ZNF143: variants seen among roughly 807,000 people sequenced by gnomAD.
ZNF143 encodes zinc finger protein 143.
A neutral mutation model predicts 74.1 loss-of-function variants in ZNF143; 49 were observed. The observed-to-expected ratio is 0.66, with a 90% confidence interval of 0.53 to 0.84. ZNF143 has a LOEUF of 0.84. Among genes scored for constraint, ZNF143 ranks in the 40% least tolerant of loss-of-function variants. ZNF143 has a pLI of 0.00. For missense variants in ZNF143, 637 were observed against 793.4 expected (o/e 0.80, Z 2.37); for synonymous variants, 304 against 282.8 (o/e 1.07, Z -0.75).
In ZNF143 at chr11:9,474,531, T is replaced by C. The variant is rs773078374; in HGVS notation, c.290-19T>C. On this transcript the variant is annotated intron_variant, in intron 4 of 15. Transcript: ENST00000396602. ...TGTGCTAGAAAACATGAGATCTAAA[T>C]GTAAGCATTGTTCTTGAGCAGGGGA... The C allele has an allele frequency of 2.5e-6, 4 of 1,613,706 alleles. No individual in the cohort carries two copies. The highest frequency in any genetic ancestry group is 1.1e-5 in the South Asian group (1 of 91,080).
At chr11:9,471,158 T>C (rs1856542611) in intron 1 of ZNF143, 144 bp from the exon 2 acceptor site, 2 of 629,462 alleles carry the variant, frequency 3.2e-6, no homozygotes, top group African/African-American at 3.7e-5. Context: ...GCTAATACTC[T>C]TACCCTACAT....
intron 7 of ZNF143, among the ~76,000 whole-genome samples, chr11:9,493,216 C>T (rs547933710): frequency 1.3e-4 from 19 of 151,888 alleles, no homozygotes; most frequent in Non-Finnish European, 2.1e-4. Flanking sequence ...ACTATAGGCA[C>T]GCGCACCACC....
intron 14 of ZNF143, among the ~76,000 whole-genome samples, chr11:9,521,244 A>G (rs1446796687): frequency 3.3e-5 from 5 of 152,252 alleles, no homozygotes; most frequent in Non-Finnish European, 5.9e-5. Flanking sequence ...ACATCTATCA[A>G]TAGAGGATCA....
At chr11:9,477,215 CCTTCCCTT>C (rs1856980407) in intron 5 of ZNF143, among the ~76,000 whole-genome samples, 1 of 118,464 alleles carries the variant, frequency 8.4e-6, no homozygotes, top group African/African-American at 3.1e-5. Context: ...CCCTTCCCTT[CCTTCCCTT>C]CCTTCCCTTC....
intron 7 of ZNF143, among the ~76,000 whole-genome samples, chr11:9,490,177 C>T (rs1031271648): frequency 6.6e-6 from 1 of 151,636 alleles, no homozygotes; most frequent in African/African-American, 2.4e-5. Flanking sequence ...GAGTGAGACC[C>T]TGTCTCTAAA....
chr11:9,472,931 T>TTTA (rs397825784), intron 3 of ZNF143, among the ~76,000 whole-genome samples, 162 bp downstream of exon 3: 1 of 151,348 alleles, frequency 6.6e-6, no homozygotes, highest in Admixed American at 6.6e-5. Flanking sequence ...TTTTTTTTTT[T>TTTA]ATAATTTGGA....
chr11:9,511,588 C>T, intron 12 of ZNF143, among the ~76,000 whole-genome samples: 1 of 151,586 alleles, frequency 6.6e-6, no homozygotes, highest in Non-Finnish European at 1.5e-5. Context: ...AGGTGTGAGC[C>T]ACCATACCCG....
At chr11:9,515,666 AAAG>A (rs1179740038) in intron 13 of ZNF143, among the ~76,000 whole-genome samples, 16 of 147,816 alleles carry the variant, frequency 1.1e-4, no homozygotes, top group African/African-American at 3.7e-4. Flanking sequence ...AAAAAAAAAA[AAAG>A]AAAAAGAAAA....
chr11:9,462,324 C>T (rs545932501), intron 1 of ZNF143, among the ~76,000 whole-genome samples: 4 of 149,898 alleles, frequency 2.7e-5, no homozygotes, highest in African/African-American at 4.9e-5. Context: ...TGATGTAATT[C>T]ACATACCTTA....
At chr11:9,479,409 C>T (rs925875027) in intron 6 of ZNF143, 63 bp from the exon 7 acceptor site, 3 of 1,384,298 alleles carry the variant, frequency 2.2e-6, no homozygotes, top group Admixed American at 2.2e-5. Context: ...GAACCATGTA[C>T]TTAACCAGCC....
At chr11:9,514,061 T>TA (rs1172420730) in intron 13 of ZNF143, among the ~76,000 whole-genome samples, 10 of 152,196 alleles carry the variant, frequency 6.6e-5, no homozygotes, top group African/African-American at 1.9e-4. Flanking sequence ...CCTGGCTAAT[T>TA]AAAAAAACAT....
Position 9,472,210 on chromosome 11 carries a change from T to G in ZNF143, c.113-467T>G, listed in dbSNP as rs568305501. On this transcript the variant is annotated intron_variant, in intron 2 of 15. Transcript: ENST00000396602. The stretch of plus-strand genomic sequence containing the variant: ...TCCAAAAGTGCTGGGATTACAGGCA[T>G]GAGCCATTGTTCCCAGCCTGTTTTT... 2.0e-5 allele frequency among the ~76,000 whole-genome samples: 3 copies of G among 152,310 alleles called. No homozygotes were observed. The South Asian group carries it at 6.2e-4, about 32-fold the overall frequency.
chr11:9,496,697 A>G (rs187963160), intron 9 of ZNF143, among the ~76,000 whole-genome samples: 60 of 151,730 alleles, frequency 4.0e-4, no homozygotes, highest in African/African-American at 1.0e-3. Context: ...CCCAGGTTCA[A>G]GCAATTCTAG....
chr11:9,516,448 A>G, intron 14 of ZNF143, 86 bp downstream of exon 14: 4 of 1,297,992 alleles, frequency 3.1e-6, no homozygotes, highest in African/African-American at 1.5e-5. Flanking sequence ...ACAACAGTTA[A>G]GCACACAAAC....
intron 3 of ZNF143, among the ~76,000 whole-genome samples, chr11:9,473,395 A>AG (rs1295586654): frequency 6.6e-6 from 1 of 151,472 alleles, no homozygotes; most frequent in Non-Finnish European, 1.5e-5. Context: ...CTGTCTCAAA[A>AG]AAAAAAAAAA....
chr11:9,479,618 A>C (rs1352879137), intron 7 of ZNF143, 72 bp downstream of exon 7: 1 of 1,236,646 alleles, frequency 8.1e-7, no homozygotes, highest in Non-Finnish European at 1.2e-6. Context: ...TGAAAGCAAG[A>C]ATAGGTAACT....
intron 2 of ZNF143, among the ~76,000 whole-genome samples, chr11:9,472,398 T>C (rs1206413930): frequency 6.6e-6 from 1 of 152,004 alleles, no homozygotes; most frequent in African/African-American, 2.4e-5. Context: ...GACTACAAGG[T>C]GCATGCCACC....
At chr11:9,498,082 T>G (rs990222936) in intron 10 of ZNF143, among the ~76,000 whole-genome samples, 1 of 152,054 alleles carries the variant, frequency 6.6e-6, no homozygotes, top group Non-Finnish European at 1.5e-5. Context: ...CGCCCGCCTC[T>G]GCCTCCCAAA....
chr11:9,526,866 C>T (rs1565074271), intron 15 of ZNF143, among the ~76,000 whole-genome samples: 1 of 152,160 alleles, frequency 6.6e-6, no homozygotes, highest in Non-Finnish European at 1.5e-5. Flanking sequence ...GCTCTGTCAC[C>T]CAGGCTGGAG....
Sources: allele counts gnomAD v4.1 joint callset (sites outside exome capture counted in the v4.1 genomes callset), GRCh38; gene constraint gnomAD v4.1.1; transcripts MANE v1.5; gene names NCBI Gene and HGNC (gene_info 2026-07-23, HGNC 2026-07-21).